The following KALRN variants were observed in gnomAD, a reference collection of about 807,000 sequenced individuals.
The protein encoded by KALRN is kalirin.
Under a neutral mutation model 353.7 loss-of-function variants are expected in KALRN, and 70 were observed. The ratio of observed to expected loss-of-function variants is 0.20; its 90% confidence interval spans 0.16 to 0.24. The LOEUF (loss-of-function observed/expected upper bound fraction) is 0.24. Among genes scored for constraint, KALRN ranks in the 10% least tolerant of loss-of-function variants. KALRN has a pLI of 1.00. For missense variants in KALRN, 2,791 were observed against 3,756.7 expected (o/e 0.74, Z 6.72); for synonymous variants, 1,391 against 1,434.8 (o/e 0.97, Z 0.69).
At chr3:124,658,367 C>T in intron 41 of KALRN, 64 bp from the exon 42 acceptor site, 1 of 1,275,694 alleles carries the variant, frequency 7.8e-7, no homozygotes, top group East Asian at 2.3e-5. Flanking sequence ...CAGCACGGCA[C>T]TCTGAGATTG....
At chr3:124,512,406 C>T (rs747088940) in intron 33 of KALRN, among the ~76,000 whole-genome samples, 1 of 152,184 alleles carries the variant, frequency 6.6e-6, no homozygotes, top group African/African-American at 2.4e-5. Flanking sequence ...AATCCCAACA[C>T]TTTGGGAAGC....
rs752197873 is a variant in KALRN at position 124,268,817 on chromosome 3, C to G, written c.531C>G (p.Ser177=). 1 of 1,614,144 alleles carries G rather than the reference C, an allele frequency of 6.2e-7. No homozygotes were observed. Among genetic ancestry groups the G allele is most frequent in the East Asian group, 2.2e-5 (1 of 44,874 alleles). Residue 177 remains serine (S), a synonymous_variant, in exon 5 of 60, where the codon TCC becomes TCG. Transcript: ENST00000682506. ...PSQLTEEFDG[S]LDYNHEEWIE... ...AGCTGACGGAGGAGTTTGATGGCTC[C>G]CTGGACTACAACCATGAGGAGTGGA... is the stretch of plus-strand genomic sequence containing the variant.
intron 59 of KALRN, among the ~76,000 whole-genome samples, 170 bp from the exon 60 acceptor site, chr3:124,718,755 T>C (rs2063284213): frequency 6.6e-6 from 1 of 152,244 alleles, no homozygotes; most frequent in Non-Finnish European, 1.5e-5. Context: ...CTCAAAATGA[T>C]AGTTTGAAGT....
intron 2 of KALRN, among the ~76,000 whole-genome samples, chr3:124,229,339 G>A (rs952201410): frequency 1.3e-5 from 2 of 152,358 alleles, no homozygotes. Context: ...GCCTGTTGCA[G>A]GGCTCCACTC....
At position 124,635,669 on chromosome 3, in the gene KALRN, G is replaced by T. The variant is rs182200185; in HGVS notation, c.5569-1539G>T. Reference sequence around the variant, plus strand: ...TTTAAAAGTTCACCGTTGTAATATTGTGCAATTGTCTTCTCCTTGTTTCCT... The same window carrying T: ...TTTAAAAGTTCACCGTTGTAATATTTTGCAATTGTCTTCTCCTTGTTTCCT... On this transcript the variant is annotated intron_variant, in intron 36 of 59. Transcript: ENST00000682506. Among the ~76,000 whole-genome samples the T allele has an allele frequency of 1.4e-4, 22 of 152,200 alleles. No individual in the cohort carries two copies. The East Asian group carries it at 4.2e-3, about 29-fold the overall frequency.
intron 1 of KALRN, among the ~76,000 whole-genome samples, chr3:124,183,099 C>G (rs111494001): frequency 1.3e-5 from 2 of 151,926 alleles, no homozygotes; most frequent in Admixed American, 6.6e-5. Flanking sequence ...AAAATGATGC[C>G]GTTAGAGTGG....
chr3:124,289,498 A>T (rs577468577), intron 5 of KALRN, among the ~76,000 whole-genome samples: 33 of 152,344 alleles, frequency 2.2e-4, no homozygotes, highest in Admixed American at 9.1e-4. Context: ...ACCTAAAAAA[A>T]AAATAAATAA....
intron 12 of KALRN, among the ~76,000 whole-genome samples, chr3:124,396,448 AT>A (rs2090169513): frequency 6.6e-6 from 1 of 152,178 alleles, no homozygotes; most frequent in African/African-American, 2.4e-5. Context: ...CTTCATGAAT[AT>A]ATAATACATG....
At chr3:124,184,232 C>G (rs952696359) in intron 1 of KALRN, among the ~76,000 whole-genome samples, 1 of 152,230 alleles carries the variant, frequency 6.6e-6, no homozygotes, top group Non-Finnish European at 1.5e-5. Flanking sequence ...GAGCAAGTCA[C>G]TCTGTGCCCT....
intron 6 of KALRN, among the ~76,000 whole-genome samples, chr3:124,317,081 A>G (rs548549673): frequency 1.3e-5 from 2 of 152,306 alleles, no homozygotes. Context: ...GAGCTAGGCT[A>G]TTCTGGAAAA....
chr3:124,370,564 T>G (rs2085703861), intron 10 of KALRN, among the ~76,000 whole-genome samples: 1 of 152,234 alleles, frequency 6.6e-6, no homozygotes, highest in Non-Finnish European at 1.5e-5. Flanking sequence ...CTGCTTTTGC[T>G]TTGACAGGCT....
intron 1 of KALRN, among the ~76,000 whole-genome samples, chr3:124,104,173 A>G (rs1161923994): frequency 2.0e-5 from 3 of 152,214 alleles, no homozygotes; most frequent in African/African-American, 7.2e-5. Flanking sequence ...GATGAGTGCT[A>G]TGAATTTACA....
At chr3:124,444,395 G>A (rs144644029) in intron 19 of KALRN, among the ~76,000 whole-genome samples, 353 of 152,332 alleles carry the variant, frequency 2.3e-3, no homozygotes, top group African/African-American at 8.3e-3. Context: ...AGCAAGTTAT[G>A]TAGCTAAGCC....
chr3:124,123,672 A>G (rs1277556621), intron 1 of KALRN, among the ~76,000 whole-genome samples: 1 of 152,212 alleles, frequency 6.6e-6, no homozygotes, highest in East Asian at 1.9e-4. Flanking sequence ...CTATTGGAAG[A>G]AGCTAGAGAA....
intron 33 of KALRN, among the ~76,000 whole-genome samples, chr3:124,548,400 A>C (rs115633607): frequency 0.02 from 2,989 of 152,200 alleles, 103 homozygotes; most frequent in African/African-American, 0.068. Context: ...ATCTAGCCCA[A>C]ATATTCTAAT....
At chr3:124,608,511 G>T (rs1430568881) in intron 34 of KALRN, among the ~76,000 whole-genome samples, 3 of 152,114 alleles carry the variant, frequency 2.0e-5, no homozygotes, top group African/African-American at 4.8e-5. Context: ...AGTCAGCGGA[G>T]AACTTACAGC....
chr3:124,469,733 C>T (rs1317704687), intron 25 of KALRN, among the ~76,000 whole-genome samples: 1 of 152,174 alleles, frequency 6.6e-6, no homozygotes, highest in Non-Finnish European at 1.5e-5. Context: ...CAACAGGCCC[C>T]TTCCCCTATC....
At chr3:124,607,948 T>TC (rs1302049764) in intron 34 of KALRN, among the ~76,000 whole-genome samples, 2 of 152,114 alleles carry the variant, frequency 1.3e-5, no homozygotes, top group African/African-American at 4.8e-5. Flanking sequence ...CTGCTTTTTT[T>TC]CCACTGAATG....
intron 34 of KALRN, among the ~76,000 whole-genome samples, chr3:124,616,965 CAAAA>C (rs10707283): frequency 3.2e-5 from 4 of 125,624 alleles, no homozygotes; most frequent in Admixed American, 7.9e-5. Context: ...ACTCCATCTC[CAAAA>C]AAAAAAAAAA....
Sources: allele counts gnomAD v4.1 joint callset (sites outside exome capture counted in the v4.1 genomes callset), GRCh38; gene constraint gnomAD v4.1.1; transcripts MANE v1.5; gene names NCBI Gene and HGNC (gene_info 2026-07-23, HGNC 2026-07-21).